The following PPM1B variants were observed in gnomAD, a reference collection of about 807,000 sequenced individuals.
PPM1B encodes the protein protein phosphatase 1B.
In PPM1B, 22 loss-of-function variants were observed where a neutral mutation model predicts 43.0. That is an observed-to-expected ratio of 0.51 (90% CI 0.37 to 0.73). PPM1B has a LOEUF of 0.73. PPM1B is among the 30% of genes least tolerant of loss of function. PPM1B has a pLI of 0.00. For missense variants in PPM1B, 632 were observed against 584.2 expected (o/e 1.08, Z -0.84); for synonymous variants, 217 against 197.9 (o/e 1.10, Z -0.81).
intron 5 of PPM1B, among the ~76,000 whole-genome samples, chr2:44,223,940 A>G (rs977452211): frequency 6.6e-6 from 1 of 152,008 alleles, no homozygotes; most frequent in African/African-American, 2.4e-5. Flanking sequence ...TGACCATTCA[A>G]ATGACACTGT....
chr2:44,236,656 C>T (rs1018204142), downstream of PPM1B, among the ~76,000 whole-genome samples: 4 of 152,074 alleles, frequency 2.6e-5, no homozygotes, highest in Admixed American at 6.6e-5. Context: ...TTGGAAAATA[C>T]GCAAACCAGA....
chr2:44,226,735 C>CTTTTTTTTTTTTTTTTTTT (rs60750702), intron 5 of PPM1B, among the ~76,000 whole-genome samples: 1 of 66,692 alleles, frequency 1.5e-5, no homozygotes, highest in Non-Finnish European at 2.6e-5. Context: ...AGGTTTTTAT[C>CTTTTTTTTTTTTTTTTTTT]TTTTTTTTTT....
At chr2:44,200,477 T>A (rs1156471129) in intron 1 of PPM1B, among the ~76,000 whole-genome samples, 1 of 152,206 alleles carries the variant, frequency 6.6e-6, no homozygotes, top group Non-Finnish European at 1.5e-5. Context: ...TCATGGATTT[T>A]AAGTTCAGCA....
downstream of PPM1B, among the ~76,000 whole-genome samples, chr2:44,244,942 G>A (rs765220778): frequency 6.6e-6 from 1 of 151,152 alleles, no homozygotes; most frequent in Non-Finnish European, 1.5e-5. Flanking sequence ...GGCGGGACAC[G>A]TGAATCTGGC....
intron 5 of PPM1B, among the ~76,000 whole-genome samples, chr2:44,229,424 A>T (rs991108237): frequency 6.6e-6 from 1 of 152,204 alleles, no homozygotes; most frequent in Non-Finnish European, 1.5e-5. Context: ...CACATTAAAC[A>T]AGTCTTTAAT....
chr2:44,191,281 T>C (rs1476802132), intron 1 of PPM1B, among the ~76,000 whole-genome samples: 1 of 152,200 alleles, frequency 6.6e-6, no homozygotes, highest in Non-Finnish European at 1.5e-5. Context: ...TGGAGTGATC[T>C]CGGCTCACTG....
chr2:44,230,575 G>C lies in PPM1B; in HGVS notation c.1297G>C (p.Ala433Pro), dbSNP rs773990319. The C allele has an allele frequency of 3.1e-6, 5 of 1,614,058 alleles. No homozygotes were observed. Among genetic ancestry groups the C allele is most frequent in the African/African-American group, 1.3e-5 (1 of 74,930 alleles). The part of the protein sequence containing the change: ...VEGEESPAEP[A>P]ATATSSNSDA... Reference sequence around the variant, plus strand: ...GGGAGAAGAAAGCCCTGCTGAACCAGCTGCCACAGCTACTTCTTCGAACAG... The same window carrying C: ...GGGAGAAGAAAGCCCTGCTGAACCACCTGCCACAGCTACTTCTTCGAACAG... The change falls in exon 6 of 6, where the codon GCT (alanine) becomes CCT (proline). Residue 433 changes from alanine (A) to proline (P), a missense_variant. Transcript: ENST00000282412.
downstream of PPM1B, chr2:44,232,451 C>G: frequency 6.4e-7 from 1 of 1,563,550 alleles, no homozygotes; most frequent in South Asian, 1.2e-5. Flanking sequence ...GGATTCCCAA[C>G]GTTTTGTGAT....
chr2:44,175,430 T>TCC (rs1667535909), intron 1 of PPM1B, among the ~76,000 whole-genome samples: 1 of 152,188 alleles, frequency 6.6e-6, no homozygotes, highest in Admixed American at 6.5e-5. Flanking sequence ...TCTGTAACCC[T>TCC]CCAGCCAATT....
rs1236285475 is a variant in PPM1B, at chr2:44,201,939, A to G, written c.740A>G (p.Asp247Gly). 1 of 1,613,994 alleles carries G rather than the reference A, an allele frequency of 6.2e-7. No homozygotes were observed. Among genetic ancestry groups the G allele is most frequent in the African/African-American group, 1.3e-5 (1 of 74,900 alleles). ...FIILACDGIW[D>G]VMSNEELCEY... ...ATCTTGGCTTGTGATGGGATCTGGGATGTTATGAGTAATGAGGAGCTCTGT... is the reference window on the plus strand; with the variant it reads ...ATCTTGGCTTGTGATGGGATCTGGGGTGTTATGAGTAATGAGGAGCTCTGT... The change falls in exon 2 of 6, where the codon GAT becomes GGT. Residue 247 changes from aspartate (D) to glycine (G), a missense_variant. By Grantham distance (94) the Asp-to-Gly change is moderately conservative. Coordinates refer to ENST00000282412, the MANE Select transcript of PPM1B (RefSeq NM_002706.6). The surrounding 1 kb of genome is among the most constrained non-coding windows in gnomAD (Gnocchi z 5.4).
rs13401869 is a variant in PPM1B, at chr2:44,201,082, C to A, written c.-14-104C>A. On this transcript the variant is annotated intron_variant, in intron 1 of 5. Coordinates refer to ENST00000282412, the MANE Select transcript of PPM1B (RefSeq NM_002706.6). The surrounding 1 kb of genome is among the most constrained non-coding windows in gnomAD (Gnocchi z 5.4). The stretch of plus-strand genomic sequence containing the variant: ...GTTGCTCCCGTAAATTAGGATAATA[C>A]TAAAAAAAATACTTGAGGTAGGAGT... 2 of 1,215,282 alleles carry A rather than the reference C, an allele frequency of 1.6e-6. No individual in the cohort carries two copies. Among genetic ancestry groups the A allele is most frequent in the Non-Finnish European group, 2.2e-6 (2 of 894,848 alleles). The allele number at this position is 1,215,282 out of a possible 1,614,324, so 75.3% of individuals were successfully genotyped here.
intron 3 of PPM1B, 147 bp downstream of exon 3, chr2:44,209,474 A>G: frequency 1.1e-6 from 1 of 919,884 alleles, no homozygotes; most frequent in Non-Finnish European, 1.6e-6. Flanking sequence ...CTTTTTGTTT[A>G]TCAAATGATT....
At chr2:44,194,264 A>G (rs1461676406) in intron 1 of PPM1B, among the ~76,000 whole-genome samples, 1 of 152,194 alleles carries the variant, frequency 6.6e-6, no homozygotes, top group Non-Finnish European at 1.5e-5. Context: ...CAGGGATGTC[A>G]TTTGATAGGC....
downstream of PPM1B, chr2:44,232,284 A>G (rs1471719884): frequency 1.3e-6 from 2 of 1,599,358 alleles, no homozygotes; most frequent in Non-Finnish European, 8.5e-7. Flanking sequence ...GCATAGGTAA[A>G]TAATAATATT....
chr2:44,224,925 T>A (rs1039269703), intron 5 of PPM1B, among the ~76,000 whole-genome samples: 1 of 152,106 alleles, frequency 6.6e-6, no homozygotes, highest in Non-Finnish European at 1.5e-5. Context: ...TTAGTAAGAG[T>A]CTTACCTGTA....
chr2:44,218,020 C>A lies in PPM1B; in HGVS notation c.1018C>A (p.Arg340Ser). Residue 340 changes from arginine to serine, a missense_variant, in exon 4 of 6, where the codon CGC becomes AGC. Transcript: ENST00000282412. ...EGMPDLAHVM[R>S]ILSAENIPNL... ...AATGCCTGATCTTGCCCATGTCATG[C>A]GCATCTTGTCTGCAGAAAATATCCC... 1 of 1,612,230 alleles carries A rather than the reference C, an allele frequency of 6.2e-7. No individual in the cohort carries two copies.
At chr2:44,211,143 A>G (rs1669447042) in intron 3 of PPM1B, among the ~76,000 whole-genome samples, 1 of 152,180 alleles carries the variant, frequency 6.6e-6, no homozygotes, top group South Asian at 2.1e-4. Context: ...CTCGGGAAAA[A>G]AAAATTAAGA....
intron 5 of PPM1B, among the ~76,000 whole-genome samples, chr2:44,222,143 C>T (rs1670006714): frequency 6.6e-6 from 1 of 151,998 alleles, no homozygotes; most frequent in Admixed American, 6.6e-5. Flanking sequence ...TACTCCTTCC[C>T]TTTTTCTAAA....
chr2:44,244,872 G>T (rs1572772387), downstream of PPM1B, among the ~76,000 whole-genome samples: 1 of 146,716 alleles, frequency 6.8e-6, no homozygotes, highest in East Asian at 2.0e-4. Context: ...GTGTGTGTGT[G>T]TATCTATGTG....
Sources: gnomAD v4.1 joint callset for allele counts (sites outside exome capture counted in the v4.1 genomes callset) on GRCh38, gnomAD v4.1.1 for gene constraint, Gnocchi (gnomAD v3.1) non-coding constraint, MANE v1.5 for transcripts, NCBI Gene and HGNC (gene_info 2026-07-23, HGNC 2026-07-21) for gene names.